PLD5: variants seen among roughly 807,000 people sequenced by gnomAD.
PLD5 encodes phospholipase D family member 5, also known as inactive phospholipase D5.
PLD5 carries 36 observed loss-of-function variants against 61.1 expected under a neutral mutation model. The ratio of observed to expected loss-of-function variants is 0.59; its 90% confidence interval spans 0.45 to 0.78. The LOEUF is 0.78. Ranked by LOEUF, PLD5 falls within the 30% of genes least tolerant of loss-of-function variation. The probability of loss-of-function intolerance (pLI) is 0.00; values close to 1 mark genes in which losing one functional copy is unlikely to be tolerated. For missense variants in PLD5, 515 were observed against 644.4 expected (o/e 0.80, Z 2.17); for synonymous variants, 243 against 242.8 (o/e 1.00, Z -0.01).
chr1:242,109,243 C>T (rs1258421703), intron 7 of PLD5, among the ~76,000 whole-genome samples: 1 of 152,224 alleles, frequency 6.6e-6, no homozygotes, highest in South Asian at 2.1e-4. Context: ...CTTTGGAAGG[C>T]CAAGGCGGTG....
chr1:242,395,518 A>T (rs1439590051), intron 1 of PLD5, among the ~76,000 whole-genome samples: 1 of 152,176 alleles, frequency 6.6e-6, no homozygotes, highest in African/African-American at 2.4e-5. Flanking sequence ...ATCAACAAAG[A>T]TATGGACAAA....
intron 1 of PLD5, among the ~76,000 whole-genome samples, chr1:242,500,870 G>A (rs945590058): frequency 6.6e-6 from 1 of 152,146 alleles, no homozygotes; most frequent in Non-Finnish European, 1.5e-5. Flanking sequence ...ATAACTAAAT[G>A]TCGGGGCTTC....
chr1:242,143,496 A>G (rs1664325630), intron 5 of PLD5, among the ~76,000 whole-genome samples: 1 of 152,220 alleles, frequency 6.6e-6, no homozygotes. Flanking sequence ...AAAATTTCAA[A>G]CAAATCTTGA....
intron 2 of PLD5, among the ~76,000 whole-genome samples, chr1:242,302,959 G>A (rs1676146856): frequency 6.6e-6 from 1 of 152,060 alleles, no homozygotes; most frequent in Non-Finnish European, 1.5e-5. Context: ...GACATGGGTT[G>A]GGATTCTTAT....
intron 1 of PLD5, among the ~76,000 whole-genome samples, chr1:242,454,900 A>AT (rs1426245896): frequency 6.6e-6 from 1 of 152,114 alleles, no homozygotes; most frequent in African/African-American, 2.4e-5. Flanking sequence ...GGGACCATCT[A>AT]TTTCTTTTCT....
chr1:242,476,757 C>T (rs1667608348), intron 1 of PLD5, among the ~76,000 whole-genome samples: 1 of 152,148 alleles, frequency 6.6e-6, no homozygotes, highest in Admixed American at 6.5e-5. Context: ...CTGTTCTTCT[C>T]CCACCCCAGG....
intron 2 of PLD5, among the ~76,000 whole-genome samples, chr1:242,327,245 G>A (rs920434937): frequency 6.6e-6 from 1 of 152,162 alleles, no homozygotes; most frequent in Admixed American, 6.5e-5. Flanking sequence ...AGGCTCAAGA[G>A]AGCCTCCCAC....
chr1:242,180,076 G>A (rs1667424859), intron 5 of PLD5, among the ~76,000 whole-genome samples: 1 of 152,176 alleles, frequency 6.6e-6, no homozygotes. Flanking sequence ...GCAGGGTAAT[G>A]CTTATGCAGG....
intron 2 of PLD5, among the ~76,000 whole-genome samples, chr1:242,291,635 T>C (rs1434955159): frequency 4.0e-5 from 6 of 151,780 alleles, no homozygotes. Flanking sequence ...TGAAACCCCG[T>C]CTCTACTAAA....
At chr1:242,347,758 A>G (rs1660221036) in intron 2 of PLD5, among the ~76,000 whole-genome samples, 1 of 152,220 alleles carries the variant, frequency 6.6e-6, no homozygotes, top group Non-Finnish European at 1.5e-5. Context: ...TGATGGAACA[A>G]CTAGCACAGC....
intron 1 of PLD5, among the ~76,000 whole-genome samples, chr1:242,387,706 T>C (rs963242205): frequency 7.2e-6 from 1 of 139,680 alleles, no homozygotes; most frequent in Admixed American, 7.0e-5. Context: ...TATATAAAAT[T>C]TTATCTATTT....
intron 1 of PLD5, among the ~76,000 whole-genome samples, chr1:242,425,838 T>G (rs1665392185): frequency 6.6e-6 from 1 of 151,854 alleles, no homozygotes; most frequent in Admixed American, 6.6e-5. Context: ...AGAGATGGGG[T>G]TTCATCCTGT....
At chr1:242,324,146 T>C (rs1176361499) in intron 2 of PLD5, among the ~76,000 whole-genome samples, 3 of 151,834 alleles carry the variant, frequency 2.0e-5, no homozygotes, top group African/African-American at 7.3e-5. Context: ...TTGTTGTAAA[T>C]GCATTTAAAG....
chr1:242,474,038 C>G (rs1001383564), intron 1 of PLD5, among the ~76,000 whole-genome samples: 2 of 152,074 alleles, frequency 1.3e-5, no homozygotes, highest in African/African-American at 4.8e-5. Context: ...GTGATAATAG[C>G]TTTATTATAT....
At position 242,256,587 on chromosome 1, in the gene PLD5, G is replaced by A. The variant is rs3964331; in HGVS notation, c.607+8750C>T. 0.16 allele frequency among the ~76,000 whole-genome samples: 24,839 copies of A among 152,106 alleles called. 3,460 individuals are homozygous for A. The highest frequency in any genetic ancestry group is 0.36 in the African/African-American group (14,998 of 41,442). ...TCCCTCTGGGGGATGCAGTAACAAG[G>A]CGCCATCTTGGAAGCACAGAGCAGC... On this transcript the variant is annotated intron_variant, in intron 4 of 9. Transcript: ENST00000536534. The surrounding 1 kb of genome is among the most constrained non-coding windows in gnomAD (Gnocchi z 5.7).
intron 1 of PLD5, among the ~76,000 whole-genome samples, chr1:242,428,052 A>T (rs1665526155): frequency 6.6e-6 from 1 of 152,204 alleles, no homozygotes; most frequent in African/African-American, 2.4e-5. Context: ...GAATTTCCAG[A>T]AACTTCCAAA....
At chr1:242,390,740 G>A (rs2810015) in intron 1 of PLD5, among the ~76,000 whole-genome samples, 84,806 of 151,466 alleles carry the variant, frequency 0.56, 24,120 homozygotes, top group Admixed American at 0.67. Context: ...CAGACCCACT[G>A]AAACTATGCT....
intron 5 of PLD5, among the ~76,000 whole-genome samples, chr1:242,152,204 G>A (rs956338495): frequency 1.3e-5 from 2 of 151,970 alleles, no homozygotes; most frequent in South Asian, 2.1e-4. Flanking sequence ...CTTCCCTGTC[G>A]CATGGCCTCT....
chr1:242,436,027 A>G (rs1200790284), intron 1 of PLD5, among the ~76,000 whole-genome samples: 1 of 152,164 alleles, frequency 6.6e-6, no homozygotes, highest in Non-Finnish European at 1.5e-5. Flanking sequence ...AACCCATTAG[A>G]GTATCCAATA....
Sources: allele counts gnomAD v4.1 joint callset (sites outside exome capture counted in the v4.1 genomes callset), GRCh38; gene constraint gnomAD v4.1.1; non-coding constraint Gnocchi (gnomAD v3.1); transcripts MANE v1.5; gene names NCBI Gene and HGNC (gene_info 2026-07-23, HGNC 2026-07-21).